Variants in SLC7A1 observed in about 807,000 individuals in gnomAD.
SLC7A1 encodes high affinity cationic amino acid transporter 1.
In SLC7A1, 10 loss-of-function variants were observed where a neutral mutation model predicts 53.9. The ratio of observed to expected loss-of-function variants is 0.19; its 90% CI spans 0.11 to 0.31. The LOEUF (loss-of-function observed/expected upper bound fraction) is 0.31. Among genes scored for constraint, SLC7A1 ranks in the 10% least tolerant of loss-of-function variants. The probability of loss-of-function intolerance (pLI) is 1.00; values close to 1 mark genes in which losing one functional copy is unlikely to be tolerated. For missense variants in SLC7A1, 525 were observed against 827.2 expected (o/e 0.63, Z 4.48); for synonymous variants, 342 against 338.7 (o/e 1.01, Z -0.11).
Position 29,524,820 on chromosome 13 carries a change from C to G in SLC7A1, c.705-567G>C, listed in dbSNP as rs1036017349. Among the ~76,000 whole-genome samples the G allele has an allele frequency of 1.4e-4, 22 of 152,244 alleles. 1 individual carries two copies. Among genetic ancestry groups the G allele is most frequent in the African/African-American group, 5.1e-4 (21 of 41,468 alleles). On this transcript the variant is annotated intron_variant, in intron 5 of 12. Coordinates refer to ENST00000380752, the MANE Select transcript of SLC7A1 (RefSeq NM_003045.5). Reference sequence around the variant, plus strand: ...TGTGGGGCCCGGGCACAGCTGGGCACTGGCCCACGGGAGGGGCTCAGCACA... The same window carrying G: ...TGTGGGGCCCGGGCACAGCTGGGCAGTGGCCCACGGGAGGGGCTCAGCACA...
At chr13:29,591,492 G>C (rs926182493) in intron 1 of SLC7A1, among the ~76,000 whole-genome samples, 17 of 152,124 alleles carry the variant, frequency 1.1e-4, no homozygotes, top group African/African-American at 4.8e-5. Context: ...CACTCCCTGA[G>C]TCACCACTGC....
intron 1 of SLC7A1, among the ~76,000 whole-genome samples, chr13:29,571,015 A>G (rs376129302): frequency 6.6e-5 from 10 of 152,336 alleles, no homozygotes; most frequent in African/African-American, 2.4e-4. Context: ...TACTATTATT[A>G]GTTTCTTAAT....
intron 2 of SLC7A1, among the ~76,000 whole-genome samples, chr13:29,536,770 C>T (rs1036630565): frequency 6.6e-6 from 1 of 152,160 alleles, no homozygotes; most frequent in African/African-American, 2.4e-5. Context: ...AGAGGTAGGT[C>T]GAAGCAGAAA....
At chr13:29,585,369 C>T (rs1026640053) in intron 1 of SLC7A1, among the ~76,000 whole-genome samples, 3 of 152,054 alleles carry the variant, frequency 2.0e-5, no homozygotes, top group Non-Finnish European at 4.4e-5. Context: ...TTGCAAACTC[C>T]AAGTTGCCAC....
At chr13:29,576,292 T>TAAAAAAAAAAAAAAAAAAAAAAAAAA (rs146432104) in intron 1 of SLC7A1, among the ~76,000 whole-genome samples, 2 of 107,182 alleles carry the variant, frequency 1.9e-5, no homozygotes, top group African/African-American at 9.3e-5. Flanking sequence ...ATCCTGTTTT[T>TAAAAAAAAAAAAAAAAAAAAAAAAAA]TAAAAAAAAA....
rs758432191 is a variant in SLC7A1 at position 29,517,267 on chromosome 13, C to T, written c.1554G>A (p.Arg518=). 5.6e-6 allele frequency: 9 copies of T among 1,613,292 alleles called. No individual in the cohort carries two copies. The highest frequency in any genetic ancestry group is 7.6e-6 in the Non-Finnish European group (9 of 1,179,752). ...ITFCIVTVLG[R]EALTKGALWA... ...ACAGCGCCCCTTTGGTGAGAGCCTCCCTTCCAAGCACGGTCACAATGCAGA... is the reference window on the plus strand; with the variant it reads ...ACAGCGCCCCTTTGGTGAGAGCCTCTCTTCCAAGCACGGTCACAATGCAGA... Residue 518 remains arginine, a synonymous_variant, in exon 11 of 13, where the codon AGG becomes AGA. Transcript: ENST00000380752.
chr13:29,529,082 A>G (rs1229631399), intron 5 of SLC7A1, among the ~76,000 whole-genome samples: 1 of 152,190 alleles, frequency 6.6e-6, no homozygotes, highest in Non-Finnish European at 1.5e-5. Context: ...GCTTCACTCC[A>G]CCCTAGATTA....
rs1868707839 is a variant in SLC7A1 at position 29,523,138 on chromosome 13, G to T, written c.1049+128C>A. The T allele has an allele frequency of 1.4e-5, 11 of 761,784 alleles. No individual in the cohort carries two copies. In the South Asian group the frequency reaches 1.6e-4, roughly 11 times the overall value. The allele number at this position is 761,784 out of a possible 1,614,324, so 47.2% of individuals were successfully genotyped here. A position where few individuals can be genotyped will look rare whatever the true frequency, so the allele number is the denominator to read the frequency against. Reference sequence around the variant, plus strand: ...TGATCAAAGCTGGGTTGGGTACTGGGTCTATTTCAAGGGTAAAGAATGCTG... The same window carrying T: ...TGATCAAAGCTGGGTTGGGTACTGGTTCTATTTCAAGGGTAAAGAATGCTG... On this transcript the variant is annotated intron_variant, in intron 7 of 12. Coordinates refer to ENST00000380752, the MANE Select transcript of SLC7A1 (RefSeq NM_003045.5).
chr13:29,542,206 G>A (rs1211703667), intron 2 of SLC7A1, among the ~76,000 whole-genome samples: 1 of 152,196 alleles, frequency 6.6e-6, no homozygotes, highest in South Asian at 2.1e-4. Flanking sequence ...TGTAATCCCA[G>A]CACTTTGGGA....
chr13:29,567,088 T>C (rs1870998735), intron 1 of SLC7A1, among the ~76,000 whole-genome samples: 1 of 152,228 alleles, frequency 6.6e-6, no homozygotes, highest in South Asian at 2.1e-4. Context: ...TCCTATTTGA[T>C]AAACTCTCCC....
chr13:29,561,762 G>T (rs990794798), intron 1 of SLC7A1, among the ~76,000 whole-genome samples: 2 of 152,152 alleles, frequency 1.3e-5, no homozygotes, highest in Non-Finnish European at 2.9e-5. Flanking sequence ...GCCCTCTGAG[G>T]CTCTCGAGGT....
chr13:29,550,963 TG>T (rs983733866), intron 2 of SLC7A1, among the ~76,000 whole-genome samples: 1 of 152,244 alleles, frequency 6.6e-6, no homozygotes, highest in African/African-American at 2.4e-5. Context: ...ATTGCTTCAA[TG>T]GTGGGGATAA....
intron 11 of SLC7A1, 98 bp from the exon 12 acceptor site, chr13:29,516,344 G>T: frequency 1.3e-6 from 1 of 760,148 alleles, no homozygotes; most frequent in East Asian, 2.7e-5. Flanking sequence ...GAGAGTGACA[G>T]GGACCGTCGG....
intron 1 of SLC7A1, among the ~76,000 whole-genome samples, chr13:29,581,720 G>A (rs949466926): frequency 6.6e-6 from 1 of 152,102 alleles, no homozygotes; most frequent in Admixed American, 6.5e-5. Flanking sequence ...CCCAAGACAG[G>A]TTCATCTCCC....
intron 1 of SLC7A1, among the ~76,000 whole-genome samples, chr13:29,557,252 G>A (rs1870478169): frequency 6.6e-6 from 1 of 152,182 alleles, no homozygotes; most frequent in Non-Finnish European, 1.5e-5. Flanking sequence ...GGTACGTGGG[G>A]ACTATAAAAG....
intron 11 of SLC7A1, chr13:29,516,854 G>C (rs1883572719): frequency 3.1e-6 from 1 of 325,416 alleles, no homozygotes; most frequent in African/African-American, 2.1e-5. Context: ...AGAAATAGAT[G>C]CCGAATATCC....
In SLC7A1 at chr13:29,517,644, A is replaced by G; in HGVS notation, c.1439T>C (p.Ile480Thr). 6.2e-7 allele frequency: 1 copy of G among 1,614,222 alleles called. No homozygotes were observed. Among genetic ancestry groups the G allele is most frequent in the Non-Finnish European group, 8.5e-7 (1 of 1,180,014 alleles). ...PEAEMFSLKT[I>T]LSPKNMEPSK... The stretch of plus-strand genomic sequence containing the variant: ...AGGCTCCATGTTTTTGGGTGAGAGT[A>G]TGGTTTTCAAAGAGAACATCTCTGC... The change falls in exon 10 of 13, where the codon ATA becomes ACA. Residue 480 changes from isoleucine (I) to threonine (T), a missense_variant. Transcript: ENST00000380752.
intron 2 of SLC7A1, among the ~76,000 whole-genome samples, chr13:29,543,273 C>T (rs910892571): frequency 6.6e-6 from 1 of 152,228 alleles, no homozygotes; most frequent in Non-Finnish European, 1.5e-5. Flanking sequence ...AGGCACAGAG[C>T]CATTTGGGCA....
rs374375834 is a variant in SLC7A1 at position 29,562,354 on chromosome 13, T to C, written c.-114-8494A>G. 7.9e-4 allele frequency among the ~76,000 whole-genome samples: 120 copies of C among 152,348 alleles called. 1 individual carries two copies. The highest frequency in any genetic ancestry group is 2.7e-3 in the African/African-American group (113 of 41,586). On this transcript the variant is annotated intron_variant, in intron 1 of 12. Coordinates refer to ENST00000380752, the MANE Select transcript of SLC7A1 (RefSeq NM_003045.5). ...GTACAACATCATATTTTAAAGTGTATACACAGGTTGGGTGTCTCTGATCCA... is the reference window on the plus strand; with the variant it reads ...GTACAACATCATATTTTAAAGTGTACACACAGGTTGGGTGTCTCTGATCCA...
Sources: gnomAD v4.1 joint callset for allele counts (sites outside exome capture counted in the v4.1 genomes callset) on GRCh38, gnomAD v4.1.1 for gene constraint, MANE v1.5 for transcripts, NCBI Gene and HGNC (gene_info 2026-07-23, HGNC 2026-07-21) for gene names.